The following CHD2 variants were observed in gnomAD, a reference collection of about 807,000 sequenced individuals.
The protein encoded by CHD2 is chromodomain helicase DNA binding protein 2, also known as ATP-dependent chromatin remodeler CHD2.
CHD2 carries 28 observed loss-of-function variants against 243.9 expected under a neutral mutation model. The ratio of observed to expected loss-of-function variants is 0.11; its 90% CI spans 0.09 to 0.16. The LOEUF is 0.16. CHD2 is among the 10% of genes least tolerant of loss of function. The probability of loss-of-function intolerance (pLI) is 1.00; values close to 1 mark genes in which losing one functional copy is unlikely to be tolerated. For missense variants in CHD2, 1,386 were observed against 2,209.8 expected (o/e 0.63, Z 7.47); for synonymous variants, 775 against 779.0 (o/e 0.99, Z 0.09).
chr15:92,925,699 C>T (rs891001584), intron 3 of CHD2, among the ~76,000 whole-genome samples: 7 of 152,180 alleles, frequency 4.6e-5, no homozygotes, highest in African/African-American at 1.7e-4. Context: ...TTTATGTTTA[C>T]TGCCTCTACC....
At chr15:92,969,835 G>A (rs1298920955) in intron 17 of CHD2, among the ~76,000 whole-genome samples, 10 of 145,936 alleles carry the variant, frequency 6.9e-5, no homozygotes, top group African/African-American at 1.5e-4. Flanking sequence ...TTTTTGAGAC[G>A]GAGTCTCACT....
At chr15:92,937,836 T>C (rs1241051265) in intron 6 of CHD2, among the ~76,000 whole-genome samples, 1 of 152,254 alleles carries the variant, frequency 6.6e-6, no homozygotes, top group Non-Finnish European at 1.5e-5. Context: ...CAAACATGTC[T>C]TCCGCTTTTA....
rs530855507 is a variant in CHD2, at chr15:92,942,401, T to C, written c.827-442T>C. Among the ~76,000 whole-genome samples, 19 of 151,520 alleles carry C rather than the reference T, an allele frequency of 1.3e-4. No homozygotes were observed. The East Asian group carries it at 3.3e-3, about 26-fold the overall frequency. On this transcript the variant is annotated intron_variant, in intron 8 of 38. Coordinates refer to ENST00000394196, the MANE Select transcript of CHD2 (RefSeq NM_001271.4). Reference sequence around the variant, plus strand: ...AAAATAATACTTAATGCTTTTTCTTTTGGCTTTTTTTTTTTTTTCTTTTTT... The same window carrying C: ...AAAATAATACTTAATGCTTTTTCTTCTGGCTTTTTTTTTTTTTTCTTTTTT...
In CHD2 at chr15:92,977,348, G is replaced by A. The variant is rs563248707; in HGVS notation, c.2578-886G>A. Among the ~76,000 whole-genome samples, 111 of 152,246 alleles carry A rather than the reference G, an allele frequency of 7.3e-4. 1 individual carries two copies. The highest frequency in any genetic ancestry group is 2.6e-3 in the African/African-American group (107 of 41,544). On this transcript the variant is annotated intron_variant, in intron 20 of 38. Coordinates refer to ENST00000394196, the MANE Select transcript of CHD2 (RefSeq NM_001271.4). Reference sequence around the variant, plus strand: ...TTGAATGTGACTATTAGAACATGGAGACCTTTTCATTGCATCTCTATGTGT... The same window carrying A: ...TTGAATGTGACTATTAGAACATGGAAACCTTTTCATTGCATCTCTATGTGT...
chr15:92,923,637 C>G (rs2053002729), intron 2 of CHD2, among the ~76,000 whole-genome samples: 1 of 148,004 alleles, frequency 6.8e-6, no homozygotes. Context: ...GTGATCTTGG[C>G]TCACTACATC....
intron 37 of CHD2, among the ~76,000 whole-genome samples, chr15:93,017,462 A>T (rs1296877749): frequency 7.0e-6 from 1 of 142,328 alleles, no homozygotes; most frequent in Non-Finnish European, 1.5e-5. Flanking sequence ...AGTAGCTGGG[A>T]TTACAGGCAC....
chr15:92,978,967 C>T (rs1444050393), intron 21 of CHD2, among the ~76,000 whole-genome samples, 168 bp from the exon 22 acceptor site: 1 of 152,136 alleles, frequency 6.6e-6, no homozygotes, highest in African/African-American at 2.4e-5. Flanking sequence ...AAAAGTATTG[C>T]ATCTACTTAA....
intron 16 of CHD2, 40 bp from the exon 17 acceptor site, chr15:92,967,285 C>T: frequency 3.8e-5 from 52 of 1,365,280 alleles, no homozygotes; most frequent in Middle Eastern, 2.0e-4. Flanking sequence ...TCTTCTTTTC[C>T]TCAATGTGGC....
At chr15:93,007,749 T>C (rs993061094) in intron 34 of CHD2, among the ~76,000 whole-genome samples, 1 of 152,236 alleles carries the variant, frequency 6.6e-6, no homozygotes, top group Non-Finnish European at 1.5e-5. Flanking sequence ...TGTGTTTGGA[T>C]ATCGAATTCT....
chr15:92,917,549 C>T (rs914149912), intron 2 of CHD2, among the ~76,000 whole-genome samples: 2 of 152,040 alleles, frequency 1.3e-5, no homozygotes, highest in Non-Finnish European at 2.9e-5. Flanking sequence ...CTACAGAGCG[C>T]GACTTGGTCT....
chr15:92,924,654 C>T (rs923670510), intron 3 of CHD2, 102 bp downstream of exon 3: 4 of 959,498 alleles, frequency 4.2e-6, no homozygotes, highest in Admixed American at 2.0e-5. Flanking sequence ...GATGATGAAA[C>T]CTACAGCCAT....
chr15:93,007,003 A>G (rs1478303844), intron 34 of CHD2, among the ~76,000 whole-genome samples: 1 of 152,236 alleles, frequency 6.6e-6, no homozygotes, highest in Non-Finnish European at 1.5e-5. Context: ...CTACAGTGAA[A>G]TTGTTGCCCA....
chr15:92,909,986 A>G (rs928601750), intron 2 of CHD2, among the ~76,000 whole-genome samples: 1 of 151,616 alleles, frequency 6.6e-6, no homozygotes, highest in Admixed American at 6.6e-5. Flanking sequence ...ATATGTATAT[A>G]TATACACATA....
chr15:92,996,135 T>A (rs778470431), intron 28 of CHD2, among the ~76,000 whole-genome samples: 1 of 151,320 alleles, frequency 6.6e-6, no homozygotes, highest in Non-Finnish European at 1.5e-5. Context: ...TCATTTTAAT[T>A]TGAAATTTGG....
intron 14 of CHD2, 38 bp downstream of exon 14, chr15:92,953,611 A>AT: frequency 6.3e-7 from 1 of 1,578,740 alleles, no homozygotes; most frequent in Non-Finnish European, 8.7e-7. Flanking sequence ...AATCTGTGTT[A>AT]TAAATGTAAT....
chr15:93,011,180 T>C (rs1234005959), intron 35 of CHD2, among the ~76,000 whole-genome samples: 1 of 152,190 alleles, frequency 6.6e-6, no homozygotes, highest in Non-Finnish European at 1.5e-5. Context: ...TGATCTTGGC[T>C]AGCAGTAGTT....
chr15:92,946,211 T>A lies in CHD2; in HGVS notation c.1372T>A (p.Cys458Ser). The A allele has an allele frequency of 1.2e-6, 2 of 1,609,654 alleles. No individual in the cohort carries two copies. Among genetic ancestry groups the A allele is most frequent in the Non-Finnish European group, 1.7e-6 (2 of 1,177,540 alleles). The stretch of plus-strand genomic sequence containing the variant: ...CTCAAAAACCATCCCAACAAGAGAA[T>A]GCAAGGTATGGTGATGGTTGGCTTT... ...NNSKTIPTRE[C>S]KALKQRPRFV... Residue 458 changes from cysteine to serine, a missense_variant, in exon 12 of 39, where the codon TGC (cysteine) becomes AGC (serine). Around this residue, in one of 19 missense-constraint regions of CHD2, gnomAD observed 200 missense variants for 292.5 expected, o/e 0.68. Coordinates refer to ENST00000394196, the MANE Select transcript of CHD2 (RefSeq NM_001271.4).
At chr15:93,014,958 T>G in intron 37 of CHD2, 49 bp downstream of exon 37, 1 of 1,479,026 alleles carries the variant, frequency 6.8e-7, no homozygotes, top group Non-Finnish European at 9.4e-7. Flanking sequence ...AGATAAAAAA[T>G]TCACACAGCC....
At chr15:92,904,156 G>C (rs954392580) in intron 2 of CHD2, among the ~76,000 whole-genome samples, 5 of 152,210 alleles carry the variant, frequency 3.3e-5, no homozygotes, top group Non-Finnish European at 4.4e-5. Flanking sequence ...GCAGCTCTTT[G>C]AGCCCCTGGC....
Sources: allele counts gnomAD v4.1 joint callset (sites outside exome capture counted in the v4.1 genomes callset), GRCh38; gene constraint gnomAD v4.1.1; regional missense constraint gnomAD v4.1.1; transcripts MANE v1.5; gene names NCBI Gene and HGNC (gene_info 2026-07-23, HGNC 2026-07-21).